CADPS: variants seen among roughly 807,000 people sequenced by gnomAD.
The protein encoded by CADPS is calcium dependent secretion activator, also known as calcium-dependent secretion activator 1.
CADPS carries 57 observed loss-of-function variants against 167.3 expected under a neutral mutation model. The ratio of observed to expected loss-of-function variants is 0.34; its 90% confidence interval spans 0.28 to 0.42. The LOEUF is 0.42. CADPS is among the 20% of genes least tolerant of loss of function. The pLI is 1.00. For synonymous variants in CADPS, 676 were observed against 635.3 expected (o/e 1.06, Z -0.96); for missense variants, 1,414 against 1,738.1 (o/e 0.81, Z 3.32).
intron 1 of CADPS, among the ~76,000 whole-genome samples, chr3:62,820,022 C>G (rs888444501): frequency 1.5e-4 from 6 of 40,646 alleles, no homozygotes; most frequent in African/African-American, 3.7e-4. Flanking sequence ...CACACATATG[C>G]ATGTGTGCAC....
At position 62,650,887 on chromosome 3, in the gene CADPS, T is replaced by G. The variant is rs1340803999; in HGVS notation, c.1163A>C (p.Gln388Pro). 1 of 1,614,078 alleles carries G rather than the reference T, an allele frequency of 6.2e-7. No homozygotes were observed. Among genetic ancestry groups the G allele is most frequent in the Non-Finnish European group, 8.5e-7 (1 of 1,179,956 alleles). The change falls in exon 5 of 30, where the codon CAG (glutamine) becomes CCG (proline). Residue 388 changes from glutamine (Q) to proline (P), a missense_variant. By Grantham distance (76) the Gln-to-Pro change is moderately conservative. Around this residue, in one of 6 missense-constraint regions of CADPS, gnomAD observed 522 missense variants for 559.5 expected, o/e 0.93. Transcript: ENST00000383710. ...CAGCACGACATCTGACTTGGAGAGCTGGTTCTCACTCTCCTCGCCCATGTC... is the reference window on the plus strand; with the variant it reads ...CAGCACGACATCTGACTTGGAGAGCGGGTTCTCACTCTCCTCGCCCATGTC... ...IIDMGEESEN[Q>P]LSKSDVVLSF... is the part of the protein sequence containing the mutation.
intron 13 of CADPS, among the ~76,000 whole-genome samples, chr3:62,531,654 G>A (rs2073721595): frequency 6.6e-6 from 1 of 152,150 alleles, no homozygotes; most frequent in African/African-American, 2.4e-5. Flanking sequence ...CCAGAGCAGC[G>A]ACTTTTGCAT....
chr3:62,766,126 G>A (rs1576089535), intron 1 of CADPS, 142 bp from the exon 2 acceptor site: 1 of 433,450 alleles, frequency 2.3e-6, no homozygotes, highest in South Asian at 7.6e-5. Flanking sequence ...TGAATCTGTG[G>A]AAACTTCTGT....
intron 22 of CADPS, among the ~76,000 whole-genome samples, chr3:62,480,797 G>A (rs1004199221): frequency 1.3e-5 from 2 of 152,130 alleles, no homozygotes; most frequent in African/African-American, 4.8e-5. Context: ...GTACAGAATC[G>A]CTAAACCTTA....
intron 3 of CADPS, among the ~76,000 whole-genome samples, chr3:62,697,148 G>A (rs1424296489): frequency 1.3e-5 from 2 of 152,016 alleles, no homozygotes; most frequent in East Asian, 3.9e-4. Context: ...TGGGGAACAC[G>A]TGGTGTTTGT....
intron 1 of CADPS, among the ~76,000 whole-genome samples, chr3:62,865,865 G>A (rs1366237622): frequency 6.6e-6 from 1 of 152,070 alleles, no homozygotes; most frequent in African/African-American, 2.4e-5. Context: ...AATCCTGTAA[G>A]AGAATAAAAG....
rs145121166 is a variant in CADPS, at chr3:62,582,139, T to A, written c.1577+3046A>T. Reference sequence around the variant, plus strand: ...CATGGGAACAATTTATAACCTCAGCTATGCTTCTTAAAAATTGCTTTTTCG... The same window carrying A: ...CATGGGAACAATTTATAACCTCAGCAATGCTTCTTAAAAATTGCTTTTTCG... On this transcript the variant is annotated intron_variant, in intron 8 of 29. Transcript: ENST00000383710. Among the ~76,000 whole-genome samples, 903 of 152,336 alleles carry A rather than the reference T, an allele frequency of 5.9e-3. 11 individuals carry two copies. The highest frequency in any genetic ancestry group is 0.02 in the African/African-American group (827 of 41,568).
In CADPS at chr3:62,455,935, A is replaced by G. The variant is rs2058638603; in HGVS notation, c.3636+9432T>C. Reference sequence around the variant, plus strand: ...TGAATTTGAAGGTATAATTTATGTCACTGCTGCCAGTGACAACTTATCTAT... The same window carrying G: ...TGAATTTGAAGGTATAATTTATGTCGCTGCTGCCAGTGACAACTTATCTAT... On this transcript the variant is annotated intron_variant, in intron 26 of 29. Coordinates refer to ENST00000383710, the MANE Select transcript of CADPS (RefSeq NM_003716.4). This position sits in a 1 kb window ranked among gnomAD's most constrained non-coding sequence, Gnocchi z 4.4. Among the ~76,000 whole-genome samples the G allele has an allele frequency of 6.6e-6, 1 of 152,172 alleles. No homozygotes were observed. The highest frequency in any genetic ancestry group is 1.5e-5 in the Non-Finnish European group (1 of 68,036).
At chr3:62,587,364 C>G (rs957427417) in intron 7 of CADPS, among the ~76,000 whole-genome samples, 14 of 152,188 alleles carry the variant, frequency 9.2e-5, no homozygotes, top group African/African-American at 3.4e-4. Flanking sequence ...TCCCTTTTCT[C>G]CAGGAACTGC....
At chr3:62,474,426 A>C in intron 23 of CADPS, 106 bp from the exon 24 acceptor site, 1 of 1,012,010 alleles carries the variant, frequency 9.9e-7, no homozygotes, top group Non-Finnish European at 1.5e-6. Context: ...GGCTGTAATC[A>C]GTTTCAGTCA....
intron 4 of CADPS, among the ~76,000 whole-genome samples, chr3:62,661,246 C>T (rs1398392749): frequency 6.6e-6 from 1 of 152,144 alleles, no homozygotes; most frequent in Non-Finnish European, 1.5e-5. Flanking sequence ...AAATGATCAC[C>T]ATTCGATGAG....
chr3:62,501,849 A>T (rs2065821459), intron 17 of CADPS, among the ~76,000 whole-genome samples: 1 of 152,248 alleles, frequency 6.6e-6, no homozygotes, highest in Admixed American at 6.5e-5. Context: ...ACTACAATAG[A>T]TATCAATAGA....
chr3:62,771,077 A>T (rs563137595), intron 1 of CADPS, among the ~76,000 whole-genome samples: 3 of 152,166 alleles, frequency 2.0e-5, no homozygotes, highest in Non-Finnish European at 4.4e-5. Flanking sequence ...ACTTTTCATT[A>T]TCTATCTCTC....
At chr3:62,626,419 C>G in intron 6 of CADPS, 1 of 677,368 alleles carries the variant, frequency 1.5e-6, no homozygotes, top group Non-Finnish European at 2.7e-6. Flanking sequence ...GGGAAATACA[C>G]AGACTATAGT....
At chr3:62,852,218 G>C (rs1371039251) in intron 1 of CADPS, among the ~76,000 whole-genome samples, 1 of 150,762 alleles carries the variant, frequency 6.6e-6, no homozygotes, top group African/African-American at 2.4e-5. Context: ...CCTTTGATTT[G>C]AATGTCCTCC....
chr3:62,697,962 C>G (rs1489587857), intron 3 of CADPS, among the ~76,000 whole-genome samples: 4 of 151,704 alleles, frequency 2.6e-5, no homozygotes, highest in African/African-American at 9.7e-5. Flanking sequence ...TTCTTTCTTG[C>G]TAATTTGAGT....
At chr3:62,821,304 C>T (rs1191352874) in intron 1 of CADPS, among the ~76,000 whole-genome samples, 2 of 150,596 alleles carry the variant, frequency 1.3e-5, no homozygotes, top group East Asian at 3.9e-4. Context: ...GCTTTAGAGT[C>T]TCTGTGTTGG....
At chr3:62,647,202 CAAG>C (rs113252320) in intron 5 of CADPS, among the ~76,000 whole-genome samples, 5 of 152,204 alleles carry the variant, frequency 3.3e-5, no homozygotes, top group Admixed American at 6.5e-5. Context: ...TGGTATTACA[CAAG>C]AAGAAGAATG....
At chr3:62,559,435 A>G (rs2078755068) in intron 9 of CADPS, among the ~76,000 whole-genome samples, 1 of 152,062 alleles carries the variant, frequency 6.6e-6, no homozygotes, top group South Asian at 2.1e-4. Flanking sequence ...TAGGGATAAC[A>G]GATTTCCTGT....
Sources: gnomAD v4.1 joint callset for allele counts (sites outside exome capture counted in the v4.1 genomes callset) on GRCh38, gnomAD v4.1.1 for gene constraint, gnomAD v4.1.1 regional missense constraint, Gnocchi (gnomAD v3.1) non-coding constraint, MANE v1.5 for transcripts, NCBI Gene and HGNC (gene_info 2026-07-23, HGNC 2026-07-21) for gene names.